The following PSD3 variants were observed in gnomAD, a reference collection of about 807,000 sequenced individuals.
The protein encoded by PSD3 is pleckstrin and Sec7 domain containing 3.
A neutral mutation model predicts 105.5 loss-of-function variants in PSD3; 49 were observed. The observed-to-expected ratio is 0.46, with a 90% confidence interval of 0.37 to 0.59. The LOEUF is 0.59. Ranked by LOEUF, PSD3 falls within the 20% of genes least tolerant of loss-of-function variation. PSD3 has a pLI of 0.00. For synonymous variants in PSD3, 557 were observed against 457.8 expected (o/e 1.22, Z -2.77); for missense variants, 1,561 against 1,263.8 (o/e 1.24, Z -3.57).
At chr8:18,975,096 G>A (rs888129061) in intron 1 of PSD3, among the ~76,000 whole-genome samples, 2 of 152,104 alleles carry the variant, frequency 1.3e-5, no homozygotes, top group African/African-American at 2.4e-5. Context: ...CTGCTGGGTG[G>A]CAGGTGGGAA....
intron 9 of PSD3, among the ~76,000 whole-genome samples, chr8:18,746,611 T>A (rs1805051183): frequency 6.6e-6 from 1 of 152,250 alleles, no homozygotes; most frequent in Non-Finnish European, 1.5e-5. Flanking sequence ...CATACCCCTG[T>A]AAAAGACAAA....
In PSD3 at chr8:18,575,108, T is replaced by C. The variant is rs1473105911; in HGVS notation, c.2639+20A>G. 6.2e-7 allele frequency: 1 copy of C among 1,606,718 alleles called. No individual in the cohort carries two copies. The highest frequency in any genetic ancestry group is 8.5e-7 in the Non-Finnish European group (1 of 1,176,824). ...AAGTGAACTAAAACACAAAATCAAATAAAAACCAACAAAACATACTGAGTT... is the reference window on the plus strand; with the variant it reads ...AAGTGAACTAAAACACAAAATCAAACAAAAACCAACAAAACATACTGAGTT... On this transcript the variant is annotated intron_variant, in intron 13 of 15. Coordinates refer to ENST00000327040, the MANE Select transcript of PSD3 (RefSeq NM_015310.4).
intron 9 of PSD3, among the ~76,000 whole-genome samples, chr8:18,671,309 T>C (rs575691373): frequency 1.3e-5 from 2 of 152,284 alleles, no homozygotes; most frequent in East Asian, 3.9e-4. Context: ...CTCACTTAAA[T>C]TTGAACTTCA....
chr8:19,062,129 A>T (rs761018798), intron 1 of PSD3, among the ~76,000 whole-genome samples: 6 of 152,212 alleles, frequency 3.9e-5, no homozygotes, highest in Admixed American at 6.5e-5. Context: ...AAACTCAATC[A>T]ATGGTTTAAA....
At chr8:18,588,421 AAG>A (rs1324234222) in intron 12 of PSD3, among the ~76,000 whole-genome samples, 1 of 152,186 alleles carries the variant, frequency 6.6e-6, no homozygotes, top group Non-Finnish European at 1.5e-5. Context: ...GAGCATTAAG[AAG>A]AGAGTGGAGA....
At chr8:18,614,514 T>G (rs1805511637) in intron 11 of PSD3, among the ~76,000 whole-genome samples, 1 of 151,928 alleles carries the variant, frequency 6.6e-6, no homozygotes, top group African/African-American at 2.4e-5. Context: ...AATAAGACAT[T>G]GAATATGGGA....
Position 18,655,655 on chromosome 8 carries a change from G to T in PSD3, c.2203C>A (p.Leu735Ile), listed in dbSNP as rs556681095. Reference sequence around the variant, plus strand: ...CAGCACACTTACACTGCCCATTCAAGCTTCTCATTCTTGATTGAGTTGTAC... The same window carrying T: ...CAGCACACTTACACTGCCCATTCAATCTTCTCATTCTTGATTGAGTTGTAC... ...ALYNSIKNEKLEWAVDDEEKK... is the reference protein window; with the variant it reads ...ALYNSIKNEKIEWAVDDEEKK... The change falls in exon 10 of 16, where the codon CTT (leucine) becomes ATT (isoleucine). Residue 735 changes from leucine (L) to isoleucine (I), a missense_variant. By Grantham distance (5) the Leu-to-Ile change is conservative. Coordinates refer to ENST00000327040, the MANE Select transcript of PSD3 (RefSeq NM_015310.4). 1 of 1,613,946 alleles carries T rather than the reference G, an allele frequency of 6.2e-7. No homozygotes were observed. The highest frequency in any genetic ancestry group is 8.5e-7 in the Non-Finnish European group (1 of 1,179,882).
At chr8:18,624,358 T>C (rs1351974582) in intron 11 of PSD3, among the ~76,000 whole-genome samples, 2 of 152,102 alleles carry the variant, frequency 1.3e-5, no homozygotes, top group Non-Finnish European at 2.9e-5. Context: ...TAAGGTTGAA[T>C]ATGTCTTCAT....
At chr8:18,572,379 C>A in intron 14 of PSD3, 149 bp downstream of exon 14, 1 of 932,498 alleles carries the variant, frequency 1.1e-6, no homozygotes, top group Non-Finnish European at 1.6e-6. Flanking sequence ...CAGTGTACTG[C>A]ATATCTGCCT....
chr8:18,769,271 CAGTT>C (rs915173731), intron 8 of PSD3, among the ~76,000 whole-genome samples: 2 of 152,186 alleles, frequency 1.3e-5, no homozygotes, highest in Non-Finnish European at 2.9e-5. Context: ...ATTTAGTCAT[CAGTT>C]AATCACCAAA....
chr8:18,719,696 C>T (rs1360224308), intron 9 of PSD3, among the ~76,000 whole-genome samples: 1 of 152,194 alleles, frequency 6.6e-6, no homozygotes, highest in Non-Finnish European at 1.5e-5. Flanking sequence ...TATTCATGGA[C>T]ACCTCCAACT....
intron 9 of PSD3, among the ~76,000 whole-genome samples, chr8:18,699,081 T>C (rs1801425539): frequency 6.6e-6 from 1 of 152,148 alleles, no homozygotes; most frequent in Non-Finnish European, 1.5e-5. Context: ...CTTCCTCCCA[T>C]GGTACAGGGT....
At chr8:19,041,485 A>G (rs1337424827) in intron 1 of PSD3, among the ~76,000 whole-genome samples, 2 of 152,242 alleles carry the variant, frequency 1.3e-5, no homozygotes, top group African/African-American at 2.4e-5. Flanking sequence ...ATAAAGTTCT[A>G]TGGACATCCA....
intron 1 of PSD3, among the ~76,000 whole-genome samples, chr8:19,069,205 C>A (rs1403177533): frequency 2.0e-5 from 3 of 152,188 alleles, no homozygotes; most frequent in African/African-American, 7.2e-5. Context: ...TCATTTTCAT[C>A]TGCAGTTTCA....
At chr8:18,761,733 A>G (rs971216438) in intron 9 of PSD3, among the ~76,000 whole-genome samples, 4 of 152,180 alleles carry the variant, frequency 2.6e-5, no homozygotes, top group Middle Eastern at 3.2e-3. Flanking sequence ...AATCTATCAG[A>G]CCCAAAGCAG....
rs116529753 is a variant in PSD3, at chr8:18,829,486, G to A, written c.1635-24588C>T. Among the ~76,000 whole-genome samples the A allele has an allele frequency of 4.3e-3, 658 of 152,134 alleles. 8 individuals are homozygous for A. The highest frequency in any genetic ancestry group is 0.015 in the African/African-American group (638 of 41,512). ...TGCCTATAGAATCCCGTCCATCAAC[G>A]CCCTAGCATGCTGTTCCAGATTTGC... On this transcript the variant is annotated intron_variant, in intron 4 of 15. Coordinates refer to ENST00000327040, the MANE Select transcript of PSD3 (RefSeq NM_015310.4).
At chr8:18,787,020 C>G (rs554808560) in intron 8 of PSD3, among the ~76,000 whole-genome samples, 1 of 152,232 alleles carries the variant, frequency 6.6e-6, no homozygotes, top group South Asian at 2.1e-4. Flanking sequence ...TTTTTTTCTC[C>G]TTGTCATGTA....
chr8:18,559,553 T>C (rs1230044674), intron 14 of PSD3, among the ~76,000 whole-genome samples: 1 of 152,182 alleles, frequency 6.6e-6, no homozygotes, highest in Non-Finnish European at 1.5e-5. Flanking sequence ...ATCCAATAAT[T>C]AGAATCCAAT....
chr8:18,623,678 A>G (rs944131333), intron 11 of PSD3, among the ~76,000 whole-genome samples: 1 of 151,526 alleles, frequency 6.6e-6, no homozygotes, highest in South Asian at 2.1e-4. Flanking sequence ...AACATATAAG[A>G]CTTCAAAAGG....
Sources: gnomAD v4.1 joint callset for allele counts (sites outside exome capture counted in the v4.1 genomes callset) on GRCh38, gnomAD v4.1.1 for gene constraint, MANE v1.5 for transcripts, NCBI Gene and HGNC (gene_info 2026-07-23, HGNC 2026-07-21) for gene names.